CACNA1B: variants seen among roughly 807,000 people sequenced by gnomAD.
CACNA1B encodes voltage-dependent N-type calcium channel subunit alpha-1B.
A neutral mutation model predicts 247.2 loss-of-function variants in CACNA1B; 70 were observed. The ratio of observed to expected loss-of-function variants is 0.28; its 90% CI spans 0.23 to 0.35. The LOEUF (loss-of-function observed/expected upper bound fraction) is 0.35, where lower values mean the gene tolerates loss of function less well. Among genes scored for constraint, CACNA1B ranks in the 10% least tolerant of loss-of-function variants. The pLI is 1.00. For synonymous variants in CACNA1B, 1,231 were observed against 1,294.4 expected (o/e 0.95, Z 1.05); for missense variants, 2,367 against 3,197.4 (o/e 0.74, Z 6.26).
intron 36 of CACNA1B, among the ~76,000 whole-genome samples, chr9:138,083,426 G>A (rs538067675): frequency 7.9e-5 from 12 of 151,014 alleles, no homozygotes; most frequent in Admixed American, 5.9e-4. Flanking sequence ...TGCCTCCTGG[G>A]AAAACAGTAC....
At chr9:138,048,964 C>T (rs779827914) in intron 23 of CACNA1B, among the ~76,000 whole-genome samples, 3 of 152,184 alleles carry the variant, frequency 2.0e-5, no homozygotes, top group East Asian at 1.9e-4. Flanking sequence ...GTGATCCACC[C>T]GCCTCAGCCT....
At chr9:138,066,821 T>C (rs1218866380) in intron 31 of CACNA1B, among the ~76,000 whole-genome samples, 1 of 152,198 alleles carries the variant, frequency 6.6e-6, no homozygotes, top group Non-Finnish European at 1.5e-5. Flanking sequence ...GTTTAGCATC[T>C]AACTTTAAAA....
rs1188491186 is a variant in CACNA1B at position 138,105,798 on chromosome 9, C to T, written c.5419C>T (p.Leu1807=). 1 of 1,547,992 alleles carries T rather than the reference C, an allele frequency of 6.5e-7. No homozygotes were observed. Among genetic ancestry groups the T allele is most frequent in the East Asian group, 2.4e-5 (1 of 41,272 alleles). The change falls in exon 39 of 47, where the codon CTG becomes TTG. Residue 1807 remains leucine (L), a synonymous_variant. Transcript: ENST00000371372. ...ALIRTALEIK[L]APAGTKQHQC... Reference sequence around the variant, plus strand: ...CATCCGGACGGCACTGGAGATCAAGCTGGCCCCAGGTGAGCAAGGCAGCCT... The same window carrying T: ...CATCCGGACGGCACTGGAGATCAAGTTGGCCCCAGGTGAGCAAGGCAGCCT...
Position 138,040,290 on chromosome 9 carries a change from T to G in CACNA1B, c.3287-3484T>G, listed in dbSNP as rs555121805. ...CTAAGAATTCCTGTATCTGAAGTCT[T>G]TAGGGGTGTGAGTGCACTCATTGTT... On this transcript the variant is annotated intron_variant, in intron 20 of 46. Coordinates refer to ENST00000371372, the MANE Select transcript of CACNA1B (RefSeq NM_000718.4). 8.5e-5 allele frequency among the ~76,000 whole-genome samples: 13 copies of G among 152,062 alleles called. No individual in the cohort carries two copies. In the South Asian group the frequency reaches 2.7e-3, roughly 32 times the overall value.
intron 31 of CACNA1B, among the ~76,000 whole-genome samples, chr9:138,064,433 A>G (rs1328642567): frequency 6.6e-6 from 1 of 152,222 alleles, no homozygotes; most frequent in Non-Finnish European, 1.5e-5. Flanking sequence ...GAGACTCGGG[A>G]GGGAGCATGT....
In CACNA1B at chr9:138,100,249, G is replaced by T. The variant is rs1961207669; in HGVS notation, c.5223-2462G>T. The stretch of plus-strand genomic sequence containing the variant: ...GGAGAGGAGAGTGCATTGCAGAGGG[G>T]CTGCAAGGAAGGCTGAGACCGTTTG... On this transcript the variant is annotated intron_variant, in intron 37 of 46. Transcript: ENST00000371372. The surrounding 1 kb of genome is among the most constrained non-coding windows in gnomAD (Gnocchi z 4.6). Among the ~76,000 whole-genome samples the T allele has an allele frequency of 6.6e-6, 1 of 152,198 alleles. No individual in the cohort carries two copies. The highest frequency in any genetic ancestry group is 2.1e-4 in the South Asian group (1 of 4,826).
chr9:138,009,878 G>A lies in CACNA1B; in HGVS notation c.2093-132G>A, dbSNP rs914479357. On this transcript the variant is annotated intron_variant, in intron 16 of 46. Coordinates refer to ENST00000371372, the MANE Select transcript of CACNA1B (RefSeq NM_000718.4). ...TGGGCTGGAGTGTGTCTGGGGATGG[G>A]GCCTTGGGGAGCTGGTAGGTGCCAA... 1.3e-4 allele frequency: 91 copies of A among 677,280 alleles called. No homozygotes were observed. In the African/African-American group the frequency reaches 1.3e-3, roughly 10 times the overall value. The allele number at this position is 677,280 out of a possible 1,614,324, so 42.0% of individuals were successfully genotyped here. A position where few individuals can be genotyped will look rare whatever the true frequency, so the allele number is the denominator to read the frequency against.
At chr9:138,064,797 T>C (rs1294365853) in intron 31 of CACNA1B, among the ~76,000 whole-genome samples, 1 of 152,218 alleles carries the variant, frequency 6.6e-6, no homozygotes, top group East Asian at 1.9e-4. Context: ...CAGAGCCTTC[T>C]CTTCTTCCCA....
rs1962193198 is a variant in CACNA1B, at chr9:138,124,302, A to C, written c.*2303A>C. 1 of 152,200 alleles carries C rather than the reference A, an allele frequency of 6.6e-6. No individual in the cohort carries two copies. The highest frequency in any genetic ancestry group is 2.4e-5 in the African/African-American group (1 of 41,448). 9.4% of individuals were successfully genotyped at this position (152,200 alleles called of 1,614,324 possible). On this transcript the variant is annotated 3_prime_UTR_variant, in exon 47 of 47. Coordinates refer to ENST00000371372, the MANE Select transcript of CACNA1B (RefSeq NM_000718.4). ...CATATATACATATATACATATATAC[A>C]AGTATGTGCATGATAATGTATATCT...
At chr9:138,037,379 C>T (rs1204634349) in intron 20 of CACNA1B, among the ~76,000 whole-genome samples, 1 of 152,194 alleles carries the variant, frequency 6.6e-6, no homozygotes, top group Admixed American at 6.5e-5. Context: ...AGAATCCAGG[C>T]CGGGCTCAGT....
chr9:137,957,089 G>A lies in CACNA1B; in HGVS notation c.1243+262G>A, dbSNP rs1032466000. 5.3e-5 allele frequency among the ~76,000 whole-genome samples: 8 copies of A among 152,200 alleles called. No individual in the cohort carries two copies. The highest frequency in any genetic ancestry group is 1.7e-4 in the African/African-American group (7 of 41,460). On this transcript the variant is annotated intron_variant, in intron 9 of 46. Transcript: ENST00000371372. This position sits in a 1 kb window ranked among gnomAD's most constrained non-coding sequence, Gnocchi z 4.7. ...TCCCAGAGACCATGGGAGGGCTCAT[G>A]GCACAACCTGGGGCCATGAGAGGGA...
In CACNA1B at chr9:138,115,633, T is replaced by C; in HGVS notation, c.5731T>C (p.Phe1911Leu). The change falls in exon 42 of 47, where the codon TTC (phenylalanine) becomes CTC (leucine). Residue 1911 changes from phenylalanine to leucine, a missense_variant. Transcript: ENST00000371372. ...GGCTGTGCTCCGAGGAGCCCGGGTT[T>C]TCCTTCGACAGAAGAGTTCCACCTC... Reference protein sequence around the residue: ...QPAVLRGARVFLRQKSSTSLS... With the variant: ...QPAVLRGARVLLRQKSSTSLS... 1 of 1,613,754 alleles carries C rather than the reference T, an allele frequency of 6.2e-7. No homozygotes were observed. The highest frequency in any genetic ancestry group is 8.5e-7 in the Non-Finnish European group (1 of 1,179,810).
At chr9:138,097,395 T>A (rs1961090240) in intron 37 of CACNA1B, among the ~76,000 whole-genome samples, 1 of 152,116 alleles carries the variant, frequency 6.6e-6, no homozygotes, top group Non-Finnish European at 1.5e-5. Flanking sequence ...GGCTGAGAGC[T>A]CATTCGGGAA....
rs954399413 is a variant in CACNA1B, at chr9:137,881,545, TCTC to T, written c.391-1195_391-1193del. On this transcript the variant is annotated intron_variant, in intron 2 of 46. Coordinates refer to ENST00000371372, the MANE Select transcript of CACNA1B (RefSeq NM_000718.4). The surrounding 1 kb of genome is among the most constrained non-coding windows in gnomAD (Gnocchi z 4.3). ...CCTCAGGGGAGGCCCTTGAAGCTGG[TCTC>T]CTCTCCCCACCCCTTCACCTGCTTC... 1.3e-5 allele frequency among the ~76,000 whole-genome samples: 2 copies of T among 152,132 alleles called. No homozygotes were observed. Among genetic ancestry groups the T allele is most frequent in the South Asian group, 4.2e-4 (2 of 4,802 alleles).
At chr9:137,893,571 A>C (rs1838365630) in intron 3 of CACNA1B, among the ~76,000 whole-genome samples, 1 of 151,764 alleles carries the variant, frequency 6.6e-6, no homozygotes, top group African/African-American at 2.4e-5. Flanking sequence ...GGATCGCTTG[A>C]ACCCAGGAGG....
rs570537560 is a variant in CACNA1B, at chr9:138,054,845, T to C, written c.3968+839T>C. ...TTCTTTCTCGCCTTTCTGGGTGTAG[T>C]GGTCATTCACCGTGGTTTAATTTTG... is the stretch of plus-strand genomic sequence containing the variant. On this transcript the variant is annotated intron_variant, in intron 26 of 46. Transcript: ENST00000371372. The surrounding 1 kb of genome is among the most constrained non-coding windows in gnomAD (Gnocchi z 4.6). Among the ~76,000 whole-genome samples the C allele has an allele frequency of 2.0e-5, 3 of 152,316 alleles. No homozygotes were observed. Among genetic ancestry groups the C allele is most frequent in the African/African-American group, 7.2e-5 (3 of 41,562 alleles).
At chr9:138,005,935 T>C (rs891657529) in intron 15 of CACNA1B, among the ~76,000 whole-genome samples, 8 of 149,726 alleles carry the variant, frequency 5.3e-5, no homozygotes, top group Non-Finnish European at 1.2e-4. Context: ...CCCAGCTACT[T>C]GGGAGGCTGA....
At chr9:138,115,249 T>C (rs1961812907) in intron 41 of CACNA1B, among the ~76,000 whole-genome samples, 1 of 152,180 alleles carries the variant, frequency 6.6e-6, no homozygotes, top group Non-Finnish European at 1.5e-5. Flanking sequence ...TCCAATCCCC[T>C]AGTTGTGTAG....
intron 6 of CACNA1B, among the ~76,000 whole-genome samples, chr9:137,926,007 G>A (rs1196810788): frequency 6.7e-6 from 1 of 148,960 alleles, no homozygotes; most frequent in Non-Finnish European, 1.5e-5. Flanking sequence ...GCCCACCTCG[G>A]CCTTCCAAAT....
Sources: gnomAD v4.1 joint callset for allele counts (sites outside exome capture counted in the v4.1 genomes callset) on GRCh38, gnomAD v4.1.1 for gene constraint, Gnocchi (gnomAD v3.1) non-coding constraint, MANE v1.5 for transcripts, NCBI Gene and HGNC (gene_info 2026-07-23, HGNC 2026-07-21) for gene names.